MYH3: variants seen among roughly 807,000 people sequenced by gnomAD.
The protein encoded by MYH3 is myosin heavy chain 3.
In MYH3, 130 loss-of-function variants were observed where a neutral mutation model predicts 238.0. The ratio of observed to expected loss-of-function variants is 0.55; its 90% CI spans 0.47 to 0.63. The LOEUF is 0.63. MYH3 is among the 30% of genes least tolerant of loss of function. MYH3 has a pLI of 0.00. For synonymous variants in MYH3, 880 were observed against 924.1 expected, an observed-to-expected ratio of 0.95 and a Z score of 0.86; for missense variants, 1,853 against 2,374.9, an observed-to-expected ratio of 0.78 and a Z score of 4.57.
rs1404426202 is a variant in MYH3 at position 10,629,938 on chromosome 17, C to G, written c.5563-1G>C. ...GCACATTCTTCCTGTCCTCTTCACT[C>G]TAAGAATGAGAAAGTGGGAATGTCA... is the stretch of plus-strand genomic sequence containing the variant. On this transcript the variant is annotated splice_acceptor_variant, in intron 38 of 40. Coordinates refer to ENST00000583535, the MANE Select transcript of MYH3 (RefSeq NM_002470.4). LOFTEE classifies it high-confidence loss of function. The G allele has an allele frequency of 1.2e-6, 2 of 1,614,008 alleles. No individual in the cohort carries two copies. The highest frequency in any genetic ancestry group is 1.7e-5 in the Admixed American group (1 of 60,004).
At chr17:10,632,815 T>A in intron 33 of MYH3, 31 bp from the exon 34 acceptor site, 2 of 1,611,496 alleles carry the variant, frequency 1.2e-6, no homozygotes, top group Non-Finnish European at 1.7e-6. Context: ...TCAAATAGTG[T>A]CTGTGATGGT....
intron 39 of MYH3, 31 bp from the exon 40 acceptor site, chr17:10,629,765 C>T (rs776875348): frequency 2.5e-6 from 4 of 1,614,216 alleles, no homozygotes; most frequent in Non-Finnish European, 3.4e-6. Flanking sequence ...CAGGTTATAT[C>T]AGCACGCGCC....
the MYH3 span, among the ~76,000 whole-genome samples, chr17:10,666,156 T>C: frequency 7.9e-5 from 12 of 152,206 alleles, no homozygotes; most frequent in Admixed American, 2.6e-4. Flanking sequence ...AACTAGATCA[T>C]GGTAGATTCT....
chr17:10,647,498 A>T, intron 8 of MYH3, 72 bp from the exon 9 acceptor site: 11 of 1,526,390 alleles, frequency 7.2e-6, no homozygotes, highest in Non-Finnish European at 1.0e-5. Context: ...TCTTATGGGT[A>T]ATTTGAGTAG....
intron 14 of MYH3, 90 bp from the exon 15 acceptor site, chr17:10,643,086 T>C: frequency 5.0e-6 from 8 of 1,605,222 alleles, no homozygotes; most frequent in Non-Finnish European, 6.8e-6. Flanking sequence ...CCCAGGTTCC[T>C]GTCAAACACA....
rs2142381540 is a variant in MYH3, at chr17:10,631,703, C to T, written c.5194G>A (p.Glu1732Lys). 1 of 1,614,172 alleles carries T rather than the reference C, an allele frequency of 6.2e-7. No individual in the cohort carries two copies. Among genetic ancestry groups the T allele is most frequent in the Non-Finnish European group, 8.5e-7 (1 of 1,180,038 alleles). ...CTCTGGAGCTGCATGAGGTCTGTCT[C>T]CAGCTTCTTCTTGGTGTGGATGAGG... ...TSLIHTKKKL[E>K]TDLMQLQSEV... The change falls in exon 36 of 41, where the codon GAG becomes AAG. Residue 1732 changes from glutamate to lysine, a missense_variant. Glu to Lys is a moderately conservative substitution (Grantham distance 56). Transcript: ENST00000583535.
In MYH3 at chr17:10,629,746, G is replaced by A. The variant is rs199803615; in HGVS notation, c.5659-12C>T. On this transcript the variant is annotated splice_polypyrimidine_tract_variant and intron_variant, in intron 39 of 40. Coordinates refer to ENST00000583535, the MANE Select transcript of MYH3 (RefSeq NM_002470.4). Reference sequence around the variant, plus strand: ...TTGGCTTGTTCATCCTAAAACCAAAGAGCCCAGGCAGGTTATATCAGCACG... The same window carrying A: ...TTGGCTTGTTCATCCTAAAACCAAAAAGCCCAGGCAGGTTATATCAGCACG... 5.7e-5 allele frequency: 92 copies of A among 1,614,238 alleles called. 1 individual carries two copies. The highest frequency in any genetic ancestry group is 1.5e-4 in the Admixed American group (9 of 60,030).
At chr17:10,670,358 A>C in the MYH3 span, among the ~76,000 whole-genome samples, 2 of 152,252 alleles carry the variant, frequency 1.3e-5, no homozygotes, top group African/African-American at 2.4e-5. The surrounding 1 kb of genome is among the most constrained non-coding windows in gnomAD (Gnocchi z 7.0). Flanking sequence ...TATTGTAGGA[A>C]GCAAATGACT....
In MYH3 at chr17:10,640,395, C is replaced by T; in HGVS notation, c.2364G>A (p.Arg788=). 1 of 1,614,214 alleles carries T rather than the reference C, an allele frequency of 6.2e-7. No individual in the cohort carries two copies. Residue 788 remains arginine, a synonymous_variant, in exon 21 of 41, where the codon CGG becomes CGA. Coordinates refer to ENST00000583535, the MANE Select transcript of MYH3 (RefSeq NM_002470.4). ...RDDRLAKLIT[R]TQAVCRGFLM... ...GGAACCCTCTGCACACAGCTTGTGT[C>T]CGGGTGATTAGTTTGGCCAGGCGGT... is the stretch of plus-strand genomic sequence containing the variant.
At position 10,634,153 on chromosome 17, in the gene MYH3, C is replaced by A; in HGVS notation, c.4386G>T (p.Glu1462Asp). The stretch of plus-strand genomic sequence containing the variant: ...ATGCCTCCAGCTCTGCTTGGCTCTC[C>A]TCACACTTTGTCTTCCACTCTGCCA... The part of the protein sequence containing the change: ...KVLAEWKTKC[E>D]ESQAELEASL... The change falls in exon 32 of 41, where the codon GAG becomes GAT. Residue 1462 changes from glutamate to aspartate, a missense_variant. Around this residue, in one of 3 missense-constraint regions of MYH3, gnomAD observed 1,044 missense variants for 1,192.6 expected, o/e 0.88. Coordinates refer to ENST00000583535, the MANE Select transcript of MYH3 (RefSeq NM_002470.4). The A allele has an allele frequency of 2.5e-6, 4 of 1,614,232 alleles. No homozygotes were observed. The highest frequency in any genetic ancestry group is 3.4e-6 in the Non-Finnish European group (4 of 1,180,052).
At chr17:10,647,105 C>T (rs1259247670) in intron 10 of MYH3, 77 bp downstream of exon 10, 3 of 1,052,746 alleles carry the variant, frequency 2.8e-6, no homozygotes, top group Non-Finnish European at 4.5e-6. Context: ...AGTCACTCTA[C>T]GTAGATACAA....
upstream of MYH3, among the ~76,000 whole-genome samples, chr17:10,658,160 C>T (rs2074452899): frequency 6.6e-6 from 1 of 152,124 alleles, no homozygotes; most frequent in South Asian, 2.1e-4. Context: ...GGGGGGCTGT[C>T]TAACAAATGT....
chr17:10,641,598 T>G (rs2074273242), intron 17 of MYH3, among the ~76,000 whole-genome samples: 1 of 144,322 alleles, frequency 6.9e-6, no homozygotes, highest in African/African-American at 2.7e-5. Context: ...CACTGCAACC[T>G]CCTCCTCCTA....
intron 40 of MYH3, among the ~76,000 whole-genome samples, 184 bp downstream of exon 40, chr17:10,629,413 G>A (rs923140615): frequency 7.0e-4 from 107 of 152,114 alleles, no homozygotes; most frequent in African/African-American, 2.4e-3. Flanking sequence ...CAGGATGGCG[G>A]TTTTTATTGT....
At chr17:10,651,342 G>T (rs1403215377) in intron 5 of MYH3, among the ~76,000 whole-genome samples, 170 bp downstream of exon 5, 1 of 152,134 alleles carries the variant, frequency 6.6e-6, no homozygotes, top group Admixed American at 6.5e-5. Context: ...CGTCACCTTG[G>T]CATGCGGGGC....
chr17:10,672,530 G>A, the MYH3 span: 1 of 152,094 alleles, frequency 6.6e-6, no homozygotes, highest in South Asian at 2.1e-4. Flanking sequence ...CTTTTAAAGT[G>A]CGCAGTTCAG....
chr17:10,664,616 A>C, the MYH3 span, among the ~76,000 whole-genome samples: 1 of 152,162 alleles, frequency 6.6e-6, no homozygotes, highest in South Asian at 2.1e-4. Context: ...GGGAAACCTA[A>C]GCCACGGGGA....
chr17:10,629,573 GC>G, intron 40 of MYH3, 23 bp downstream of exon 40: 11 of 1,612,142 alleles, frequency 6.8e-6, no homozygotes, highest in Non-Finnish European at 9.3e-6. Flanking sequence ...CTGGGGGGGG[GC>G]TCCTCCCAGC....
At chr17:10,652,330 A>T in intron 4 of MYH3, 90 bp downstream of exon 4, 1 of 1,500,512 alleles carries the variant, frequency 6.7e-7, no homozygotes, top group Non-Finnish European at 9.2e-7. Flanking sequence ...CATCTTCCAG[A>T]ATCCCACGGC....
Sources: allele counts gnomAD v4.1 joint callset (sites outside exome capture counted in the v4.1 genomes callset), GRCh38; gene constraint gnomAD v4.1.1; regional missense constraint gnomAD v4.1.1; non-coding constraint Gnocchi (gnomAD v3.1); transcripts MANE v1.5; gene names NCBI Gene and HGNC (gene_info 2026-07-23, HGNC 2026-07-21).